PTCHD1: variants seen among roughly 807,000 people sequenced by gnomAD.
The protein encoded by PTCHD1 is patched domain containing 1, also known as patched domain-containing protein 1.
Under a neutral mutation model 34.6 loss-of-function variants are expected in PTCHD1, and 3 were observed. That is an observed-to-expected ratio of 0.09 (90% CI 0.04 to 0.22). The LOEUF (loss-of-function observed/expected upper bound fraction) is 0.22, where lower values mean the gene tolerates loss of function less well. PTCHD1 is among the 10% of genes least tolerant of loss of function. The probability of loss-of-function intolerance (pLI) is 1.00; values close to 1 mark genes in which losing one functional copy is unlikely to be tolerated. For synonymous variants in PTCHD1, 305 were observed against 283.1 expected, an observed-to-expected ratio of 1.08 and a Z score of -0.77; for missense variants, 504 against 685.5, an observed-to-expected ratio of 0.74 and a Z score of 2.96.
chrX:23,352,564 G>A (rs1424126179), intron 1 of PTCHD1, among the ~76,000 whole-genome samples: 1 of 111,559 alleles, frequency 9.0e-6, no homozygotes, highest in Non-Finnish European at 1.9e-5. Flanking sequence ...TAGCTCATCA[G>A]AGGGGACTGG....
Position 23,397,266 on chromosome X carries a change from G to A in PTCHD1, c.*3081G>A, listed in dbSNP as rs746491200. The A allele has an allele frequency of 2.9e-4, 32 of 111,983 alleles. No individual in the cohort carries two copies. Among genetic ancestry groups the A allele is most frequent in the African/African-American group, 1.0e-3 (31 of 30,860 alleles). 9.2% of individuals were successfully genotyped at this position (111,983 alleles called of 1,213,427 possible). A position where few individuals can be genotyped will look rare whatever the true frequency, so the allele number is the denominator to read the frequency against. ...GGTAAGGGTGATATTCTCTCATTTA[G>A]TGGAAGAAGAAGATGTCAATTCACA... On this transcript the variant is annotated 3_prime_UTR_variant, in exon 3 of 3. Transcript: ENST00000379361.
chrX:23,347,724 G>A (rs1486585187), intron 1 of PTCHD1, among the ~76,000 whole-genome samples: 1 of 111,977 alleles, frequency 8.9e-6, no homozygotes, highest in Non-Finnish European at 1.9e-5. Flanking sequence ...TAACTATGAA[G>A]GCCAGGCGAG....
intron 1 of PTCHD1, among the ~76,000 whole-genome samples, chrX:23,340,549 A>C (rs992607992): frequency 8.9e-6 from 1 of 112,433 alleles, no homozygotes; most frequent in Non-Finnish European, 1.9e-5. Context: ...ACAGTGTGTA[A>C]GACCCCACTG....
chrX:23,360,174 G>A (rs1351262768), intron 1 of PTCHD1, among the ~76,000 whole-genome samples: 1 of 112,072 alleles, frequency 8.9e-6, no homozygotes, highest in Non-Finnish European at 1.9e-5. Context: ...AAATGAGTTA[G>A]GGAGGATTCC....
upstream of PTCHD1, chrX:23,334,423 C>T (rs993055067): frequency 1.8e-5 from 2 of 110,414 alleles, no homozygotes; most frequent in Admixed American, 9.4e-5. Flanking sequence ...GCGCCGTCGC[C>T]GCTCCCCGCG....
At chrX:23,387,769 T>C (rs1276791534) in intron 2 of PTCHD1, among the ~76,000 whole-genome samples, 2 of 111,809 alleles carry the variant, frequency 1.8e-5, no homozygotes, top group African/African-American at 6.5e-5. Context: ...GTATGTGTTT[T>C]TACATACTGA....
intron 1 of PTCHD1, among the ~76,000 whole-genome samples, chrX:23,347,306 A>G (rs773867186): frequency 8.9e-6 from 1 of 112,227 alleles, no homozygotes; most frequent in Non-Finnish European, 1.9e-5. Context: ...TTATATAGCA[A>G]TTTCCCCTTA....
chrX:23,357,707 C>T (rs764510380), intron 1 of PTCHD1, among the ~76,000 whole-genome samples: 4 of 111,343 alleles, frequency 3.6e-5, no homozygotes, highest in East Asian at 2.8e-4. Context: ...ATATGCACAA[C>T]GTGCAGGCTA....
At chrX:23,350,313 A>G (rs1921594929) in intron 1 of PTCHD1, among the ~76,000 whole-genome samples, 1 of 111,243 alleles carries the variant, frequency 9.0e-6, no homozygotes, top group South Asian at 3.8e-4. Context: ...TGTGCCTCAG[A>G]ACATACACTG....
chrX:23,393,036 C>A lies in PTCHD1; in HGVS notation c.1518C>A (p.Leu506=). The change falls in exon 3 of 3, where the codon CTC becomes CTA. Residue 506 remains leucine, a synonymous_variant. Transcript: ENST00000379361. ...TNTYVKPFVV[L]FYLIYISFAL... ...CCTATGTCAAGCCTTTTGTAGTTCTCTTTTACCTTATTTATATTTCCTTTG... is the reference window on the plus strand; with the variant it reads ...CCTATGTCAAGCCTTTTGTAGTTCTATTTTACCTTATTTATATTTCCTTTG... 1 of 1,211,689 alleles carries A rather than the reference C, an allele frequency of 8.3e-7. No homozygotes were observed.
rs1183963991 is a variant in PTCHD1, at chrX:23,394,136, T to C, written c.2618T>C (p.Met873Thr). 1 of 1,209,794 alleles carries C rather than the reference T, an allele frequency of 8.3e-7. No homozygotes were observed. The highest frequency in any genetic ancestry group is 1.8e-5 in the South Asian group (1 of 56,884). The change falls in exon 3 of 3, where the codon ATG (methionine) becomes ACG (threonine). Residue 873 changes from methionine to threonine, a missense_variant. By Grantham distance (81) the Met-to-Thr change is moderately conservative. Transcript: ENST00000379361. The stretch of plus-strand genomic sequence containing the variant: ...CGGGAGGAAATTGAGTGTGTAGAAA[T>C]GGTAGATATCGATAGTACCCGTGTG... ...ENREEIECVE[M>T]VDIDSTRVVD...
intron 1 of PTCHD1, among the ~76,000 whole-genome samples, chrX:23,376,364 G>A (rs1295928784): frequency 8.9e-6 from 1 of 112,178 alleles, no homozygotes; most frequent in South Asian, 3.7e-4. Context: ...AGCTTATATG[G>A]ATCGCAGTTG....
In PTCHD1 at chrX:23,337,492, G is replaced by C. The variant is rs768560487; in HGVS notation, c.351+2266G>C. 6.3e-5 allele frequency among the ~76,000 whole-genome samples: 7 copies of C among 110,859 alleles called. No individual in the cohort carries two copies. In the East Asian group the frequency reaches 2.0e-3, roughly 31 times the overall value. On this transcript the variant is annotated intron_variant, in intron 1 of 2. Transcript: ENST00000379361. ...GGAAGATGGACCTTCATTAGTCATG[G>C]TAATGTAAAGTGTGGGAGTGAGCAC...
Position 23,392,399 on chromosome X carries a change from C to T in PTCHD1, c.1013-132C>T, listed in dbSNP as rs779648350. 295 of 511,753 alleles carry T rather than the reference C, an allele frequency of 5.8e-4. 2 individuals are homozygous for T. Among genetic ancestry groups the T allele is most frequent in the Admixed American group, 1.1e-3 (41 of 36,430 alleles). 42.2% of individuals were successfully genotyped at this position (511,753 alleles called of 1,213,427 possible). On this transcript the variant is annotated intron_variant, in intron 2 of 2. Transcript: ENST00000379361. ...ATCTCCGCATAGGAGAAATCATTGG[C>T]ATTTACATACCCGTCACCACTAGGG...
intron 1 of PTCHD1, among the ~76,000 whole-genome samples, chrX:23,349,814 G>A (rs1452309950): frequency 9.1e-6 from 1 of 110,234 alleles, no homozygotes; most frequent in African/African-American, 3.3e-5. Flanking sequence ...GTAAGGGACA[G>A]CATGTCTACT....
intron 1 of PTCHD1, among the ~76,000 whole-genome samples, chrX:23,369,704 TC>T (rs1290863843): frequency 1.8e-5 from 2 of 112,037 alleles, no homozygotes; most frequent in African/African-American, 3.2e-5. Context: ...TACCATCTTT[TC>T]CTGCCTAGAC....
intron 1 of PTCHD1, among the ~76,000 whole-genome samples, chrX:23,374,603 C>CTT (rs199743694): frequency 5.1e-5 from 5 of 97,180 alleles, no homozygotes; most frequent in African/African-American, 1.5e-4. Context: ...AGAGGGAAAT[C>CTT]TTTTTTTTTT....
intron 1 of PTCHD1, among the ~76,000 whole-genome samples, chrX:23,339,321 C>T (rs1254459845): frequency 1.8e-5 from 2 of 111,937 alleles, no homozygotes; most frequent in South Asian, 3.7e-4. Context: ...CATATCAAAG[C>T]GTATTTCAGT....
chrX:23,391,003 G>A (rs147723365), intron 2 of PTCHD1, among the ~76,000 whole-genome samples: 94 of 112,042 alleles, frequency 8.4e-4, no homozygotes, highest in Middle Eastern at 4.6e-3. Context: ...CAAGACAGGA[G>A]TTATCGAAAT....
Sources: gnomAD v4.1 joint callset for allele counts (sites outside exome capture counted in the v4.1 genomes callset) on GRCh38, gnomAD v4.1.1 for gene constraint, MANE v1.5 for transcripts, NCBI Gene and HGNC (gene_info 2026-07-23, HGNC 2026-07-21) for gene names.